Variants in GALNT3 observed in about 807,000 individuals in gnomAD.
GALNT3 encodes polypeptide N-acetylgalactosaminyltransferase 3.
A neutral mutation model predicts 69.8 loss-of-function variants in GALNT3; 51 were observed. The observed-to-expected ratio is 0.73, with a 90% confidence interval of 0.58 to 0.92. GALNT3 has a LOEUF of 0.92. Among genes scored for constraint, GALNT3 ranks in the 40% least tolerant of loss-of-function variants. The probability of loss-of-function intolerance (pLI) is 0.00; values close to 1 mark genes in which losing one functional copy is unlikely to be tolerated. For missense variants in GALNT3, 711 were observed against 760.0 expected (o/e 0.94, Z 0.76); for synonymous variants, 265 against 248.5 (o/e 1.07, Z -0.63).
At chr2:165,772,722 A>G (rs953862014) in intron 1 of GALNT3, among the ~76,000 whole-genome samples, 19 of 152,156 alleles carry the variant, frequency 1.2e-4, no homozygotes, top group African/African-American at 4.6e-4. Context: ...ACAGGAGGGA[A>G]AATAGGGAAT....
intron 1 of GALNT3, among the ~76,000 whole-genome samples, chr2:165,793,363 T>C (rs1683392148): frequency 6.6e-6 from 1 of 152,158 alleles, no homozygotes; most frequent in Non-Finnish European, 1.5e-5. Flanking sequence ...CTCTTCTCCA[T>C]TGATCAGGAA....
intron 1 of GALNT3, among the ~76,000 whole-genome samples, chr2:165,779,827 A>G (rs551826885): frequency 2.0e-5 from 3 of 152,338 alleles, no homozygotes; most frequent in African/African-American, 4.8e-5. Context: ...GCCATAATGA[A>G]TATCTATGGC....
chr2:165,757,295 C>A, intron 6 of GALNT3, 48 bp from the exon 7 acceptor site: 1 of 1,573,150 alleles, frequency 6.4e-7, no homozygotes, highest in South Asian at 1.1e-5. Context: ...TTAGAAAAAT[C>A]AAAGTGTTGC....
chr2:165,749,841 T>C lies in GALNT3; in HGVS notation c.1680A>G (p.Leu560=). 1.2e-6 allele frequency: 2 copies of C among 1,613,692 alleles called. No homozygotes were observed. The highest frequency in any genetic ancestry group is 1.7e-6 in the Non-Finnish European group (2 of 1,179,660). The change falls in exon 10 of 11, where the codon TTA becomes TTG. Residue 560 remains leucine, a synonymous_variant. Transcript: ENST00000392701. Reference sequence around the variant, plus strand: ...CGAGACCTTGAGCAGCATGAAGACATAATTCCTTCTGGATGTTGTGCCGAA... The same window carrying C: ...CGAGACCTTGAGCAGCATGAAGACACAATTCCTTCTGGATGTTGTGCCGAA... ...HEIRHNIQKE[L]CLHAAQGLVQ...
In GALNT3 at chr2:165,758,781, ATTTC is replaced by A; in HGVS notation, c.1153_1156del (p.Glu385SerfsTer7). 2 of 1,605,646 alleles carry A rather than the reference ATTTC, an allele frequency of 1.2e-6. No individual in the cohort carries two copies. On this transcript the variant is annotated frameshift_variant, in exon 6 of 11. Transcript: ENST00000392701. LOFTEE classifies it high-confidence loss of function. ...CATTTCTATATTTTCACCTCCCCAG[ATTTC>A]CATTTCTTCATCATAGCTTCCAATA...
intron 3 of GALNT3, among the ~76,000 whole-genome samples, chr2:165,764,604 C>A (rs1688605879): frequency 6.6e-6 from 1 of 152,206 alleles, no homozygotes; most frequent in African/African-American, 2.4e-5. Flanking sequence ...GGCAGCCTGA[C>A]TCAAAGGCTC....
intron 1 of GALNT3, among the ~76,000 whole-genome samples, chr2:165,783,230 T>G (rs541248551): frequency 6.6e-6 from 1 of 152,304 alleles, no homozygotes; most frequent in Non-Finnish European, 1.5e-5. Context: ...AATGTACTTC[T>G]TAATACTTTA....
At position 165,748,409 on chromosome 2, in the gene GALNT3, T is replaced by TC; in HGVS notation, c.*371dup. ...ATACAGTAACAAATCTTTCTTCCTA[T>TC]CCCCCCAAAAAACTAGGGGAAATAT... On this transcript the variant is annotated 3_prime_UTR_variant, in exon 11 of 11. Transcript: ENST00000392701. 2.2e-5 allele frequency: 6 copies of TC among 277,686 alleles called. No individual in the cohort carries two copies. Among genetic ancestry groups the TC allele is most frequent in the Non-Finnish European group, 4.1e-5 (6 of 145,808 alleles). 17.2% of individuals were successfully genotyped at this position (277,686 alleles called of 1,614,324 possible). A position where few individuals can be genotyped will look rare whatever the true frequency, so the allele number is the denominator to read the frequency against.
At chr2:165,784,575 C>G (rs369465734) in intron 1 of GALNT3, among the ~76,000 whole-genome samples, 1 of 152,092 alleles carries the variant, frequency 6.6e-6, no homozygotes, top group African/African-American at 2.4e-5. Context: ...TAGCTAGGTG[C>G]TTGTAATCCC....
chr2:165,793,479 C>T (rs920824121), intron 1 of GALNT3, among the ~76,000 whole-genome samples: 38 of 152,212 alleles, frequency 2.5e-4, no homozygotes, highest in Admixed American at 2.4e-3. Context: ...CCAAACCACT[C>T]GGAAACCATT....
chr2:165,759,326 A>C lies in GALNT3; in HGVS notation c.1073+10T>G. ...GTGTAAATATAAGACTCTGAGAGCA[A>C]TCATCTTACTTAATTGGGTAGGTTT... On this transcript the variant is annotated intron_variant, in intron 5 of 10. Coordinates refer to ENST00000392701, the MANE Select transcript of GALNT3 (RefSeq NM_004482.4). The C allele has an allele frequency of 1.9e-6, 3 of 1,602,124 alleles. No individual in the cohort carries two copies. Among genetic ancestry groups the C allele is most frequent in the Non-Finnish European group, 2.6e-6 (3 of 1,169,924 alleles).
intron 4 of GALNT3, among the ~76,000 whole-genome samples, chr2:165,761,036 A>G (rs1688535585): frequency 1.3e-5 from 2 of 152,086 alleles, no homozygotes; most frequent in Admixed American, 1.3e-4. Flanking sequence ...CATAAAAAGT[A>G]TATATATAAA....
chr2:165,782,940 T>C (rs1683142992), intron 1 of GALNT3, among the ~76,000 whole-genome samples: 1 of 152,170 alleles, frequency 6.6e-6, no homozygotes, highest in South Asian at 2.1e-4. Context: ...ATAGTACTGC[T>C]TACGTATTTC....
intron 1 of GALNT3, among the ~76,000 whole-genome samples, chr2:165,785,088 G>A (rs189188416): frequency 2.0e-5 from 3 of 152,228 alleles, no homozygotes; most frequent in African/African-American, 7.2e-5. Flanking sequence ...CAGATGTGGG[G>A]ATGACTTCTA....
intron 3 of GALNT3, among the ~76,000 whole-genome samples, chr2:165,763,809 G>A (rs1688591985): frequency 6.6e-6 from 1 of 152,102 alleles, no homozygotes; most frequent in South Asian, 2.1e-4. Flanking sequence ...GGGAGGTTAA[G>A]AACAGAAAGC....
Position 165,770,818 on chromosome 2 carries a change from G to T in GALNT3, c.-108-10C>A. On this transcript the variant is annotated splice_polypyrimidine_tract_variant and intron_variant, in intron 1 of 10. Coordinates refer to ENST00000392701, the MANE Select transcript of GALNT3 (RefSeq NM_004482.4). ...TCTTTAATGGTAGTACCTATAAACA[G>T]AAATGATCGATGGTATTAGTAGCTA... The T allele has an allele frequency of 1.8e-6, 2 of 1,114,916 alleles. No individual in the cohort carries two copies. The highest frequency in any genetic ancestry group is 2.6e-6 in the Non-Finnish European group (2 of 781,952). The allele number at this position is 1,114,916 out of a possible 1,614,324, so 69.1% of individuals were successfully genotyped here. A position where few individuals can be genotyped will look rare whatever the true frequency, so the allele number is the denominator to read the frequency against.
At chr2:165,782,377 G>GA (rs1347678082) in intron 1 of GALNT3, among the ~76,000 whole-genome samples, 2 of 62,272 alleles carry the variant, frequency 3.2e-5, no homozygotes, top group Non-Finnish European at 6.4e-5. Context: ...TGAGCTGGGG[G>GA]AAAAAAAAGA....
rs553523428 is a variant in GALNT3 at position 165,762,876 on chromosome 2, G to A, written c.689-822C>T. On this transcript the variant is annotated intron_variant, in intron 3 of 10. Transcript: ENST00000392701. ...AGTGGCACAACTCACTGCAACCTCC[G>A]CCTCTGGGCTGCAAGCAGTTTTCCT... Among the ~76,000 whole-genome samples, 12 of 152,168 alleles carry A rather than the reference G, an allele frequency of 7.9e-5. No homozygotes were observed. In the East Asian group the frequency reaches 2.1e-3, roughly 27 times the overall value.
In GALNT3 at chr2:165,748,747, A is replaced by G. The variant is rs1459938916; in HGVS notation, c.*34T>C. On this transcript the variant is annotated 3_prime_UTR_variant, in exon 11 of 11. Transcript: ENST00000392701. ...CCTAGTCACAGTTTTATGAGAAAGAATATTTCCTTTTTCAACTTAATTTTA... is the reference window on the plus strand; with the variant it reads ...CCTAGTCACAGTTTTATGAGAAAGAGTATTTCCTTTTTCAACTTAATTTTA... 4 of 1,580,024 alleles carry G rather than the reference A, an allele frequency of 2.5e-6. No individual in the cohort carries two copies. In the South Asian group the frequency reaches 3.4e-5, roughly 13 times the overall value.
Sources: allele counts gnomAD v4.1 joint callset (sites outside exome capture counted in the v4.1 genomes callset), GRCh38; gene constraint gnomAD v4.1.1; transcripts MANE v1.5; gene names NCBI Gene and HGNC (gene_info 2026-07-23, HGNC 2026-07-21).